The following TMEM178B variants were observed in gnomAD, a reference collection of about 807,000 sequenced individuals.
TMEM178B encodes transmembrane protein 178B.
TMEM178B carries 5 observed loss-of-function variants against 31.0 expected under a neutral mutation model. That is an observed-to-expected ratio of 0.16 (90% CI 0.08 to 0.34). The LOEUF (loss-of-function observed/expected upper bound fraction) is 0.34, where lower values mean the gene tolerates loss of function less well. Among genes scored for constraint, TMEM178B ranks in the 10% least tolerant of loss-of-function variants. The pLI is 1.00. For synonymous variants in TMEM178B, 164 were observed against 164.0 expected (o/e 1.00, Z 0.00); for missense variants, 275 against 400.3 (o/e 0.69, Z 2.67).
At chr7:141,138,064 T>A (rs983287509) in intron 1 of TMEM178B, among the ~76,000 whole-genome samples, 2 of 100,854 alleles carry the variant, frequency 2.0e-5, no homozygotes, top group African/African-American at 8.3e-5. Context: ...TAAAATTCAA[T>A]TTTTTTTTTT....
intron 2 of TMEM178B, among the ~76,000 whole-genome samples, chr7:141,394,895 C>G (rs1343958291): frequency 1.3e-5 from 2 of 152,240 alleles, no homozygotes; most frequent in Admixed American, 6.5e-5. Context: ...TTCCAGCATA[C>G]AAGCCTGCTT....
chr7:141,189,356 A>T (rs1796661633), intron 1 of TMEM178B, among the ~76,000 whole-genome samples: 1 of 152,212 alleles, frequency 6.6e-6, no homozygotes, highest in Admixed American at 6.5e-5. Flanking sequence ...GGTGTCAGGA[A>T]TGAATAGCTG....
At chr7:141,345,141 A>G (rs1799596748) in intron 2 of TMEM178B, among the ~76,000 whole-genome samples, 1 of 152,204 alleles carries the variant, frequency 6.6e-6, no homozygotes, top group African/African-American at 2.4e-5. Context: ...TTTGCTTGGG[A>G]TACCCCCAAC....
chr7:141,487,874 A>G, the TMEM178B span, among the ~76,000 whole-genome samples: 1 of 152,230 alleles, frequency 6.6e-6, no homozygotes, highest in African/African-American at 2.4e-5. Flanking sequence ...AATTAAGACA[A>G]ACTTTTCTTG....
At chr7:141,390,636 T>TA (rs1262647503) in intron 2 of TMEM178B, among the ~76,000 whole-genome samples, 1 of 152,238 alleles carries the variant, frequency 6.6e-6, no homozygotes, top group African/African-American at 2.4e-5. Flanking sequence ...TCAAACTACC[T>TA]GCCCCGTTCT....
rs1244652380 is a variant in TMEM178B, at chr7:141,401,313, T to G, written c.497-36295T>G. ...ATAGGGAAAGGCATTTAAAATAACA[T>G]TTAAAATATATTAGAATGAGATTGC... On this transcript the variant is annotated intron_variant, in intron 2 of 3. Coordinates refer to ENST00000565468, the MANE Select transcript of TMEM178B (RefSeq NM_001195278.2). 2.6e-5 allele frequency among the ~76,000 whole-genome samples: 4 copies of G among 152,352 alleles called. No homozygotes were observed. The East Asian group carries it at 7.7e-4, about 29-fold the overall frequency.
At chr7:141,226,873 A>G (rs1019362262) in intron 2 of TMEM178B, among the ~76,000 whole-genome samples, 15 of 128,596 alleles carry the variant, frequency 1.2e-4, no homozygotes, top group Admixed American at 7.1e-4. Context: ...AAAAAAAAAA[A>G]AGAAAAAGAA....
At chr7:141,304,497 C>T (rs1474790173) in intron 2 of TMEM178B, among the ~76,000 whole-genome samples, 1 of 152,190 alleles carries the variant, frequency 6.6e-6, no homozygotes, top group Non-Finnish European at 1.5e-5. Flanking sequence ...CTTCTCTTCT[C>T]TTGCACACTC....
intron 1 of TMEM178B, among the ~76,000 whole-genome samples, chr7:141,157,728 C>T (rs117045667): frequency 1.3e-3 from 199 of 152,292 alleles, no homozygotes; most frequent in East Asian, 6.8e-3. Context: ...CTGTGAGTTC[C>T]GAGCGAGGTA....
At chr7:141,437,870 C>G (rs1295983185) in intron 3 of TMEM178B, 125 bp downstream of exon 3, 1 of 1,332,050 alleles carries the variant, frequency 7.5e-7, no homozygotes, top group African/African-American at 1.5e-5. Flanking sequence ...ATTCACTCAT[C>G]CATTGGTTCA....
chr7:141,283,907 G>T lies in TMEM178B; in HGVS notation c.496+71203G>T, dbSNP rs557283388. Among the ~76,000 whole-genome samples, 223 of 152,320 alleles carry T rather than the reference G, an allele frequency of 1.5e-3. 1 individual carries two copies. The highest frequency in any genetic ancestry group is 3.4e-3 in the Middle Eastern group (1 of 294). ...GTGTTGAGCTGAGAGGGACCTGGCAGCAGAATCTGATTATTGAAAAGTGGC... is the reference window on the plus strand; with the variant it reads ...GTGTTGAGCTGAGAGGGACCTGGCATCAGAATCTGATTATTGAAAAGTGGC... On this transcript the variant is annotated intron_variant, in intron 2 of 3. Coordinates refer to ENST00000565468, the MANE Select transcript of TMEM178B (RefSeq NM_001195278.2).
chr7:141,387,609 G>C (rs529037782), intron 2 of TMEM178B, among the ~76,000 whole-genome samples: 1 of 152,224 alleles, frequency 6.6e-6, no homozygotes, highest in South Asian at 2.1e-4. Context: ...GGTTTTCATA[G>C]CGAGGAGCTA....
intron 1 of TMEM178B, among the ~76,000 whole-genome samples, chr7:141,175,592 G>A (rs1358020151): frequency 6.6e-6 from 1 of 152,172 alleles, no homozygotes; most frequent in African/African-American, 2.4e-5. Context: ...TCCTATCCAT[G>A]AGCATATAAT....
At chr7:141,298,171 G>T (rs1798667196) in intron 2 of TMEM178B, among the ~76,000 whole-genome samples, 1 of 152,148 alleles carries the variant, frequency 6.6e-6, no homozygotes, top group Non-Finnish European at 1.5e-5. Flanking sequence ...AGAAGTGTCT[G>T]TTCATATTCT....
At chr7:141,328,231 G>A (rs1321495906) in intron 2 of TMEM178B, among the ~76,000 whole-genome samples, 4 of 152,198 alleles carry the variant, frequency 2.6e-5, no homozygotes, top group Admixed American at 6.5e-5. Context: ...CTGGAATGAC[G>A]GAGAGGAATG....
intron 2 of TMEM178B, among the ~76,000 whole-genome samples, chr7:141,372,817 A>G (rs954674241): frequency 1.3e-5 from 2 of 152,236 alleles, no homozygotes; most frequent in African/African-American, 4.8e-5. Context: ...TAGAGTTACT[A>G]TTAGAGCCAG....
At chr7:141,133,450 T>C (rs1795626616) in intron 1 of TMEM178B, among the ~76,000 whole-genome samples, 1 of 151,722 alleles carries the variant, frequency 6.6e-6, no homozygotes, top group African/African-American at 2.4e-5. Context: ...AGATAAAAAA[T>C]ACAATTGAGA....
chr7:141,496,882 T>C, the TMEM178B span, among the ~76,000 whole-genome samples: 1 of 152,132 alleles, frequency 6.6e-6, no homozygotes, highest in East Asian at 1.9e-4. Context: ...AATGTACTGA[T>C]ACATAAAGAA....
rs1225291438 is a variant in TMEM178B, at chr7:141,472,903, G to A, written c.*2117G>A. 1 of 152,164 alleles carries A rather than the reference G, an allele frequency of 6.6e-6. No individual in the cohort carries two copies. Among genetic ancestry groups the A allele is most frequent in the African/African-American group, 2.4e-5 (1 of 41,412 alleles). The allele number at this position is 152,164 out of a possible 1,614,324, so 9.4% of individuals were successfully genotyped here. On this transcript the variant is annotated 3_prime_UTR_variant, in exon 4 of 4. Coordinates refer to ENST00000565468, the MANE Select transcript of TMEM178B (RefSeq NM_001195278.2). ...TCTCTGGTGCATTTTGTGTACGTTT[G>A]TGTCAGTACACACCTGCACACAGGT...
Sources: gnomAD v4.1 joint callset for allele counts (sites outside exome capture counted in the v4.1 genomes callset) on GRCh38, gnomAD v4.1.1 for gene constraint, MANE v1.5 for transcripts, NCBI Gene and HGNC (gene_info 2026-07-23, HGNC 2026-07-21) for gene names.